HDAC7: variants seen among roughly 807,000 people sequenced by gnomAD.
HDAC7 encodes the protein histone deacetylase 7A.
In HDAC7, 26 loss-of-function variants were observed where a neutral mutation model predicts 115.5. The observed-to-expected ratio is 0.23, with a 90% CI of 0.16 to 0.31. The LOEUF (loss-of-function observed/expected upper bound fraction) is 0.31, where lower values mean the gene tolerates loss of function less well. HDAC7 is among the 10% of genes least tolerant of loss of function. The pLI is 1.00. For missense variants in HDAC7, 1,068 were observed against 1,329.0 expected, an observed-to-expected ratio of 0.80 and a Z score of 3.05; for synonymous variants, 564 against 550.9, an observed-to-expected ratio of 1.02 and a Z score of -0.33.
rs1416791085 is a variant in HDAC7, at chr12:47,794,850, G to A, written c.1368C>T (p.Gly456=). The change falls in exon 12 of 26, where the codon GGC becomes GGT. Residue 456 remains glycine (G), a synonymous_variant. Coordinates refer to ENST00000080059, the MANE Select transcript of HDAC7 (RefSeq NM_015401.5). ...GCTCCAGGCCATCGTCCACCACCTG[G>A]CCCGGTCCCCCGCCATCTGTCTCCA... The part of the protein sequence containing the change: ...EDLETDGGGP[G]QVVDDGLEHR... 3 of 1,613,208 alleles carry A rather than the reference G, an allele frequency of 1.9e-6. No homozygotes were observed. Among genetic ancestry groups the A allele is most frequent in the African/African-American group, 2.7e-5 (2 of 74,920 alleles).
At chr12:47,784,333 G>A in intron 24 of HDAC7, 116 bp from the exon 25 acceptor site, 2 of 1,187,662 alleles carry the variant, frequency 1.7e-6, no homozygotes, top group Non-Finnish European at 2.3e-6. Flanking sequence ...GAGCGGGCCT[G>A]TCCTCCACTT....
intron 2 of HDAC7, among the ~76,000 whole-genome samples, chr12:47,799,319 G>A (rs557723127): frequency 6.6e-6 from 1 of 152,250 alleles, no homozygotes; most frequent in East Asian, 1.9e-4. Context: ...AGATCCTATG[G>A]TAGGACATTC....
chr12:47,783,631 G>T lies in HDAC7; in HGVS notation c.*210C>A. On this transcript the variant is annotated 3_prime_UTR_variant, in exon 26 of 26. Coordinates refer to ENST00000080059, the MANE Select transcript of HDAC7 (RefSeq NM_015401.5). Reference sequence around the variant, plus strand: ...CCCTGTGGGGGTCGCCGCCCAGCCCGTCTCCTCTCAGGGTCCTCTCCAGTT... The same window carrying T: ...CCCTGTGGGGGTCGCCGCCCAGCCCTTCTCCTCTCAGGGTCCTCTCCAGTT... The T allele has an allele frequency of 1.7e-6, 1 of 603,712 alleles. No homozygotes were observed. 37.4% of individuals were successfully genotyped at this position (603,712 alleles called of 1,614,324 possible). A position where few individuals can be genotyped will look rare whatever the true frequency, so the allele number is the denominator to read the frequency against.
intron 1 of HDAC7, among the ~76,000 whole-genome samples, chr12:47,807,051 T>C (rs992382206): frequency 3.3e-5 from 5 of 151,912 alleles, no homozygotes; most frequent in Non-Finnish European, 7.4e-5. Flanking sequence ...GTGATTCTCC[T>C]CCCTCAGCCT....
intron 2 of HDAC7, among the ~76,000 whole-genome samples, 161 bp downstream of exon 2, chr12:47,802,063 C>G (rs1944190298): frequency 6.6e-6 from 1 of 152,234 alleles, no homozygotes; most frequent in South Asian, 2.1e-4. Flanking sequence ...GCCTCTCTTA[C>G]CCCGGCTCCT....
intron 25 of HDAC7, 74 bp from the exon 26 acceptor site, chr12:47,783,960 A>G (rs1943001541): frequency 3.7e-6 from 6 of 1,605,536 alleles, no homozygotes; most frequent in Non-Finnish European, 5.1e-6. Context: ...CTTCCTCTCA[A>G]CCCTGGTCAG....
Position 47,788,010 on chromosome 12 carries a change from T to C in HDAC7, c.2355+35A>G, listed in dbSNP as rs755148206. The stretch of plus-strand genomic sequence containing the variant: ...AGAGTAAGTGTCAGGAGGAGGTCAA[T>C]GAGGCTGGAAGATGTGGCCCTGACA... On this transcript the variant is annotated intron_variant, in intron 20 of 25. Coordinates refer to ENST00000080059, the MANE Select transcript of HDAC7 (RefSeq NM_015401.5). The C allele has an allele frequency of 3.1e-6, 5 of 1,597,794 alleles. No homozygotes were observed. In the African/African-American group the frequency reaches 5.3e-5, roughly 17 times the overall value.
chr12:47,798,044 C>G lies in HDAC7; in HGVS notation c.461+64G>C. ...AGGAGGCAAGTGTGTGTGCTCATGG[C>G]TAACACGGGGGCGGGGGTGGAGGGT... On this transcript the variant is annotated intron_variant, in intron 5 of 25. Transcript: ENST00000080059. This position sits in a 1 kb window ranked among gnomAD's most constrained non-coding sequence, Gnocchi z 4.3. 8.5e-7 allele frequency: 1 copy of G among 1,179,202 alleles called. No homozygotes were observed. The highest frequency in any genetic ancestry group is 2.3e-5 in the East Asian group (1 of 42,572). The allele number at this position is 1,179,202 out of a possible 1,614,324, so 73.0% of individuals were successfully genotyped here.
chr12:47,800,010 C>T lies in HDAC7; in HGVS notation c.71-1038G>A, dbSNP rs74377209. Among the ~76,000 whole-genome samples, 1,257 of 152,302 alleles carry T rather than the reference C, an allele frequency of 8.3e-3. 14 individuals are homozygous for T. The highest frequency in any genetic ancestry group is 0.021 in the East Asian group (111 of 5,170). On this transcript the variant is annotated intron_variant, in intron 2 of 25. Coordinates refer to ENST00000080059, the MANE Select transcript of HDAC7 (RefSeq NM_015401.5). ...TCCCAGTGGGGCAGCCACAGACTGTCCTCAGGGATTGGGGCTGAGGAGGGC... is the reference window on the plus strand; with the variant it reads ...TCCCAGTGGGGCAGCCACAGACTGTTCTCAGGGATTGGGGCTGAGGAGGGC...
Position 47,793,346 on chromosome 12 carries a change from CG to C in HDAC7, c.1678+22del. On this transcript the variant is annotated intron_variant, in intron 13 of 25. Transcript: ENST00000080059. The surrounding 1 kb of genome is among the most constrained non-coding windows in gnomAD (Gnocchi z 4.5). ...GTGCAGCCGAGCCCCTCCCTCCACC[CG>C]CCACCCTCCTCCCGGTCTCACCTGT... 2.1e-6 allele frequency: 3 copies of C among 1,444,280 alleles called. No homozygotes were observed. Among genetic ancestry groups the C allele is most frequent in the Non-Finnish European group, 2.8e-6 (3 of 1,073,266 alleles). The allele number at this position is 1,444,280 out of a possible 1,614,324, so 89.5% of individuals were successfully genotyped here. A position where few individuals can be genotyped will look rare whatever the true frequency, so the allele number is the denominator to read the frequency against.
Position 47,798,504 on chromosome 12 carries a change from G to GCAGC in HDAC7, c.349+54_349+57dup. ...ACCTCACCCCTCACAAGCCACACAGGCAGCCGCAGGCACCTGGCTGGTGGG... is the reference window on the plus strand; with the variant it reads ...ACCTCACCCCTCACAAGCCACACAGGCAGCCAGCCGCAGGCACCTGGCTGGTGGG... On this transcript the variant is annotated intron_variant, in intron 4 of 25. Coordinates refer to ENST00000080059, the MANE Select transcript of HDAC7 (RefSeq NM_015401.5). This position sits in a 1 kb window ranked among gnomAD's most constrained non-coding sequence, Gnocchi z 4.3. The GCAGC allele has an allele frequency of 6.7e-7, 1 of 1,503,184 alleles. No homozygotes were observed. The highest frequency in any genetic ancestry group is 9.2e-7 in the Non-Finnish European group (1 of 1,083,952). The allele number at this position is 1,503,184 out of a possible 1,614,324, so 93.1% of individuals were successfully genotyped here.
chr12:47,789,640 T>G, intron 17 of HDAC7, 62 bp from the exon 18 acceptor site: 2 of 1,559,802 alleles, frequency 1.3e-6, no homozygotes, highest in Non-Finnish European at 1.8e-6. Context: ...TGCATGAACG[T>G]ACCCCAAGAG....
intron 13 of HDAC7, 144 bp from the exon 14 acceptor site, chr12:47,792,148 A>G (rs1386409388): frequency 1.1e-6 from 1 of 911,220 alleles, no homozygotes; most frequent in Non-Finnish European, 1.6e-6. Context: ...ACAGGCCTGC[A>G]TTTCATCCTG....
In HDAC7 at chr12:47,798,006, C is replaced by A; in HGVS notation, c.461+102G>T. 1 of 829,294 alleles carries A rather than the reference C, an allele frequency of 1.2e-6. No homozygotes were observed. Among genetic ancestry groups the A allele is most frequent in the Non-Finnish European group, 2.1e-6 (1 of 484,764 alleles). The allele number at this position is 829,294 out of a possible 1,614,324, so 51.4% of individuals were successfully genotyped here. A position where few individuals can be genotyped will look rare whatever the true frequency, so the allele number is the denominator to read the frequency against. On this transcript the variant is annotated intron_variant, in intron 5 of 25. Transcript: ENST00000080059. The surrounding 1 kb of genome is among the most constrained non-coding windows in gnomAD (Gnocchi z 4.3). ...GAGGAAGGGTAAGGACTGGTTGTGG[C>A]AACTGGGGAGGAAGGAGGCAAGTGT...
At chr12:47,785,192 G>T (rs776487585) in intron 24 of HDAC7, 195 bp downstream of exon 24, 1 of 577,636 alleles carries the variant, frequency 1.7e-6, no homozygotes, top group Non-Finnish European at 3.0e-6. Context: ...TGGCTCCATC[G>T]GGGGGGCTCA....
intron 2 of HDAC7, 151 bp from the exon 3 acceptor site, chr12:47,799,123 C>CT (rs372447670): frequency 3.4e-6 from 2 of 583,254 alleles, no homozygotes; most frequent in Middle Eastern, 4.4e-4. Flanking sequence ...TGTCGTGGTC[C>CT]TGCAAGGTAG....
At position 47,789,528 on chromosome 12, in the gene HDAC7, T is replaced by C. The variant is rs200966208; in HGVS notation, c.2142A>G (p.Thr714=). The C allele has an allele frequency of 1.7e-4, 279 of 1,614,210 alleles. 1 individual carries two copies. In the Middle Eastern group the frequency reaches 2.5e-3, roughly 14 times the overall value. The change falls in exon 18 of 26, where the codon ACA becomes ACG. Residue 714 remains threonine (T), a synonymous_variant. Coordinates refer to ENST00000080059, the MANE Select transcript of HDAC7 (RefSeq NM_015401.5). ...AGGTCTTCCCTTAGCCTTACATGGC[T>C]GTTGAATGATCTGCATGGTGTCCTG... The part of the protein sequence containing the change: ...RPPGHHADHS[T]AMGFCFFNSV...
intron 1 of HDAC7, chr12:47,819,347 C>G (rs979951838): frequency 1.3e-5 from 2 of 153,058 alleles, no homozygotes; most frequent in Non-Finnish European, 2.9e-5. Context: ...AACCTTCCGC[C>G]CCGGAGCACC....
At position 47,794,744 on chromosome 12, in the gene HDAC7, G is replaced by A. The variant is rs1243928276; in HGVS notation, c.1458+16C>T. 55 of 1,559,390 alleles carry A rather than the reference G, an allele frequency of 3.5e-5. No homozygotes were observed. The highest frequency in any genetic ancestry group is 4.7e-5 in the Non-Finnish European group (54 of 1,156,042). ...TCTGAGGACACTTTCTGAGGGGCAG[G>A]TGGGGACTGCCATACCTGAGGGTGC... On this transcript the variant is annotated intron_variant, in intron 12 of 25. Transcript: ENST00000080059.
Sources: gnomAD v4.1 joint callset for allele counts (sites outside exome capture counted in the v4.1 genomes callset) on GRCh38, gnomAD v4.1.1 for gene constraint, Gnocchi (gnomAD v3.1) non-coding constraint, MANE v1.5 for transcripts, NCBI Gene and HGNC (gene_info 2026-07-23, HGNC 2026-07-21) for gene names.